NRXN3: variants seen among roughly 807,000 people sequenced by gnomAD.
NRXN3 encodes the protein neurexin 3.
In NRXN3, 32 loss-of-function variants were observed where a neutral mutation model predicts 137.6. The observed-to-expected ratio is 0.23, with a 90% confidence interval of 0.18 to 0.31. The LOEUF is 0.31. Among genes scored for constraint, NRXN3 ranks in the 10% least tolerant of loss-of-function variants. The probability of loss-of-function intolerance (pLI) is 1.00; values close to 1 mark genes in which losing one functional copy is unlikely to be tolerated. For missense variants in NRXN3, 1,574 were observed against 2,062.5 expected (o/e 0.76, Z 4.59); for synonymous variants, 798 against 784.5 (o/e 1.02, Z -0.29).
chr14:79,262,346 T>TGAGGAAGAAAAAGAAGGATAA (rs368528861), intron 15 of NRXN3, among the ~76,000 whole-genome samples: 1,857 of 142,474 alleles, frequency 0.013, 46 homozygotes, highest in African/African-American at 0.046. Flanking sequence ...AAGAGAAGCA[T>TGAGGAAGAAAAAGAAGGATAA]GAGGAAGAAA....
At chr14:78,794,433 T>A (rs1161976012) in intron 8 of NRXN3, among the ~76,000 whole-genome samples, 1 of 152,190 alleles carries the variant, frequency 6.6e-6, no homozygotes, top group Non-Finnish European at 1.5e-5. Flanking sequence ...AGTTGTCTTA[T>A]GTGTTTAATA....
intron 15 of NRXN3, among the ~76,000 whole-genome samples, chr14:79,450,044 CT>C (rs1202716859): frequency 2.7e-5 from 4 of 149,850 alleles, no homozygotes; most frequent in African/African-American, 4.9e-5. Context: ...GTCCTCTCCC[CT>C]GCATGCATTT....
At chr14:78,311,989 A>T (rs1455907650) in intron 4 of NRXN3, among the ~76,000 whole-genome samples, 1 of 152,168 alleles carries the variant, frequency 6.6e-6, no homozygotes, top group African/African-American at 2.4e-5. Flanking sequence ...ACTGCACAGA[A>T]AATTTGTAGC....
intron 4 of NRXN3, among the ~76,000 whole-genome samples, chr14:78,407,034 G>A (rs545202383): frequency 1.3e-5 from 2 of 152,278 alleles, no homozygotes; most frequent in East Asian, 3.9e-4. Context: ...GGGTCTTAGG[G>A]ACTGGGATCC....
chr14:78,419,025 G>T (rs2093303613), intron 4 of NRXN3, among the ~76,000 whole-genome samples: 1 of 152,142 alleles, frequency 6.6e-6, no homozygotes, highest in Admixed American at 6.5e-5. Context: ...CTAACTCTGT[G>T]CTGGGCACAT....
chr14:79,019,152 T>A (rs2099584607), intron 15 of NRXN3, among the ~76,000 whole-genome samples: 1 of 152,168 alleles, frequency 6.6e-6, no homozygotes, highest in African/African-American at 2.4e-5. Flanking sequence ...TGCTACTCAG[T>A]GATGGTCAGT....
intron 5 of NRXN3, chr14:78,649,378 AC>A (rs67770829): frequency 0.021 from 11,043 of 513,862 alleles, 177 homozygotes; most frequent in Non-Finnish European, 0.024. Context: ...TTCCTCTCCA[AC>A]CCCCCCTTTT....
chr14:78,564,549 A>G (rs1346607866), intron 4 of NRXN3, among the ~76,000 whole-genome samples: 1 of 152,218 alleles, frequency 6.6e-6, no homozygotes, highest in African/African-American at 2.4e-5. Flanking sequence ...GTAGGTCCTG[A>G]TGGAACACCC....
intron 15 of NRXN3, among the ~76,000 whole-genome samples, chr14:79,335,183 G>A (rs1276876897): frequency 1.3e-5 from 2 of 152,116 alleles, no homozygotes; most frequent in African/African-American, 2.4e-5. Flanking sequence ...GGCAGCTACA[G>A]GGATGTGCTC....
chr14:78,715,151 T>C lies in NRXN3; in HGVS notation c.2044+12T>C. On this transcript the variant is annotated intron_variant, in intron 8 of 20. Transcript: ENST00000335750. ...AACCTGCGAAAGGGGTGAGTCGGCC[T>C]AGAGGATGGCAAGTGAGGGCCTGAG... 2 of 1,598,472 alleles carry C rather than the reference T, an allele frequency of 1.3e-6. No individual in the cohort carries two copies. The highest frequency in any genetic ancestry group is 1.3e-5 in the African/African-American group (1 of 74,906).
At chr14:79,344,430 G>A (rs1402659598) in intron 15 of NRXN3, among the ~76,000 whole-genome samples, 1 of 152,074 alleles carries the variant, frequency 6.6e-6, no homozygotes, top group Non-Finnish European at 1.5e-5. Context: ...TGAGTCTGTT[G>A]TCACATAGGA....
chr14:79,038,832 C>G (rs915420910), intron 15 of NRXN3, among the ~76,000 whole-genome samples: 2 of 151,992 alleles, frequency 1.3e-5, no homozygotes, highest in African/African-American at 4.8e-5. Context: ...CGCTACCTGG[C>G]CTTTCGTTCC....
At chr14:79,550,038 C>T (rs1016493002) in intron 16 of NRXN3, among the ~76,000 whole-genome samples, 2 of 151,940 alleles carry the variant, frequency 1.3e-5, no homozygotes, top group African/African-American at 2.4e-5. Flanking sequence ...GGCATGATCT[C>T]GGCTCACTGC....
intron 10 of NRXN3, among the ~76,000 whole-genome samples, chr14:78,912,285 T>TA (rs1038699379): frequency 6.7e-6 from 1 of 150,240 alleles, no homozygotes; most frequent in African/African-American, 2.4e-5. Context: ...CAGGAAGCTT[T>TA]AAAAAAAATA....
At chr14:79,038,436 C>T (rs1302960621) in intron 15 of NRXN3, among the ~76,000 whole-genome samples, 3 of 152,032 alleles carry the variant, frequency 2.0e-5, no homozygotes, top group Non-Finnish European at 2.9e-5. Flanking sequence ...TACAAAAACA[C>T]ATATATTGTT....
chr14:79,360,437 C>A (rs2093644606), intron 15 of NRXN3, among the ~76,000 whole-genome samples: 1 of 152,186 alleles, frequency 6.6e-6, no homozygotes, highest in Non-Finnish European at 1.5e-5. Flanking sequence ...TGCTCTTTTT[C>A]TTATCATGGA....
At chr14:78,215,213 C>T (rs1051324307) in intron 1 of NRXN3, among the ~76,000 whole-genome samples, 1 of 152,172 alleles carries the variant, frequency 6.6e-6, no homozygotes. Flanking sequence ...GGCCCTCTCC[C>T]CCTGACCCTG....
intron 4 of NRXN3, among the ~76,000 whole-genome samples, chr14:78,424,742 T>C (rs1362936367): frequency 6.6e-6 from 1 of 152,178 alleles, no homozygotes; most frequent in Non-Finnish European, 1.5e-5. Context: ...CTAAAATCTG[T>C]AGGAGGTACA....
intron 6 of NRXN3, among the ~76,000 whole-genome samples, chr14:78,704,988 C>G (rs183857487): frequency 3.2e-4 from 49 of 152,274 alleles, no homozygotes; most frequent in Admixed American, 2.4e-3. Context: ...ATTCTGTCCT[C>G]AGCTGTTTTA....
Sources: gnomAD v4.1 joint callset for allele counts (sites outside exome capture counted in the v4.1 genomes callset) on GRCh38, gnomAD v4.1.1 for gene constraint, MANE v1.5 for transcripts, NCBI Gene and HGNC (gene_info 2026-07-23, HGNC 2026-07-21) for gene names.